Variants in PCDH15 observed in about 807,000 individuals in gnomAD.
PCDH15 encodes the protein protocadherin-15.
Under a neutral mutation model 178.5 loss-of-function variants are expected in PCDH15, and 129 were observed. The ratio of observed to expected loss-of-function variants is 0.72; its 90% CI spans 0.63 to 0.84. The LOEUF is 0.84. Ranked by LOEUF, PCDH15 falls within the 40% of genes least tolerant of loss-of-function variation. PCDH15 has a pLI of 0.00. For synonymous variants in PCDH15, 800 were observed against 732.0 expected (o/e 1.09, Z -1.50); for missense variants, 2,230 against 2,099.9 (o/e 1.06, Z -1.21).
intron 1 of PCDH15, among the ~76,000 whole-genome samples, chr10:54,724,221 A>G (rs745660849): frequency 1.3e-5 from 2 of 151,282 alleles, no homozygotes; most frequent in African/African-American, 2.4e-5. Context: ...AAAGAATAAA[A>G]TTATGTCCTT....
intron 1 of PCDH15, among the ~76,000 whole-genome samples, chr10:54,744,087 C>G (rs1945162505): frequency 6.6e-6 from 1 of 152,104 alleles, no homozygotes; most frequent in Non-Finnish European, 1.5e-5. Context: ...CCTGTCAAAG[C>G]TGCTTCTATG....
intron 1 of PCDH15, among the ~76,000 whole-genome samples, chr10:55,309,487 T>A (rs542605662): frequency 6.6e-6 from 1 of 151,066 alleles, no homozygotes; most frequent in South Asian, 2.1e-4. Context: ...ACTGCACTAC[T>A]CTCATTCTGG....
At chr10:55,240,558 T>C (rs1841514642) in intron 1 of PCDH15, among the ~76,000 whole-genome samples, 1 of 152,190 alleles carries the variant, frequency 6.6e-6, no homozygotes, top group African/African-American at 2.4e-5. Context: ...TTAGATGATT[T>C]CTAAAGACCT....
intron 2 of PCDH15, among the ~76,000 whole-genome samples, chr10:54,933,936 A>G (rs1837843184): frequency 6.6e-6 from 1 of 152,164 alleles, no homozygotes; most frequent in South Asian, 2.1e-4. Flanking sequence ...CTTACTGTGA[A>G]TATAAATTTA....
intron 2 of PCDH15, among the ~76,000 whole-genome samples, chr10:55,449,204 T>A (rs1839381371): frequency 6.6e-6 from 1 of 152,088 alleles, no homozygotes; most frequent in Non-Finnish European, 1.5e-5. Flanking sequence ...AACCTCATTT[T>A]ACATCCAAAG....
intron 2 of PCDH15, among the ~76,000 whole-genome samples, chr10:55,416,293 C>G (rs1397403516): frequency 6.6e-6 from 1 of 151,842 alleles, no homozygotes; most frequent in African/African-American, 2.4e-5. Flanking sequence ...GTTATCGGAA[C>G]TTAAGCTATT....
intron 15 of PCDH15, among the ~76,000 whole-genome samples, chr10:54,097,853 G>C (rs531159192): frequency 2.6e-5 from 4 of 152,190 alleles, no homozygotes; most frequent in Non-Finnish European, 5.9e-5. Context: ...GCACACCTCA[G>C]GAGGGGAGGG....
At chr10:55,578,794 A>G (rs1358564738) in intron 2 of PCDH15, among the ~76,000 whole-genome samples, 1 of 152,122 alleles carries the variant, frequency 6.6e-6, no homozygotes, top group Non-Finnish European at 1.5e-5. Flanking sequence ...GTGGCAGGCA[A>G]AAAAGATAGT....
rs201106387 is a variant in PCDH15, at chr10:53,857,199, T to C, written c.3782A>G (p.Glu1261Gly). 2.5e-6 allele frequency: 4 copies of C among 1,607,792 alleles called. No homozygotes were observed. The highest frequency in any genetic ancestry group is 3.4e-6 in the Non-Finnish European group (4 of 1,174,640). ...CTCTGTAAGATCTTCTATCTTTTTT[T>C]CCACTAGAGTAGGAGGCACATTGGA... ...IVSNVPPTLV[E>G]KKIEDLTEIL... is the part of the protein sequence containing the mutation. Residue 1261 changes from glutamate (E) to glycine (G), a missense_variant, in exon 28 of 38, where the codon GAA (glutamate) becomes GGA (glycine). Physicochemically the swap from Glu to Gly is moderately conservative, Grantham distance 98 (BLOSUM62 -2). Transcript: ENST00000644397.
chr10:53,976,809 A>G (rs913641870), intron 21 of PCDH15, among the ~76,000 whole-genome samples: 1 of 151,562 alleles, frequency 6.6e-6, no homozygotes, highest in African/African-American at 2.4e-5. Flanking sequence ...TTAAATAAAC[A>G]TAGAAATTAA....
chr10:54,846,410 A>T (rs1311955740), intron 3 of PCDH15, among the ~76,000 whole-genome samples: 1 of 152,036 alleles, frequency 6.6e-6, no homozygotes, highest in African/African-American at 2.4e-5. Context: ...GAATAAAATA[A>T]TTTTTCTGTC....
At chr10:53,816,356 G>C in intron 34 of PCDH15, 79 bp from the exon 35 acceptor site, 1 of 396,016 alleles carries the variant, frequency 2.5e-6, no homozygotes, top group Non-Finnish European at 4.5e-6. Context: ...GAGAAGAGAG[G>C]AAAAAAAGGC....
upstream of PCDH15, among the ~76,000 whole-genome samples, chr10:55,324,090 C>G (rs1843972092): frequency 1.3e-5 from 2 of 152,082 alleles, no homozygotes; most frequent in East Asian, 3.9e-4. Flanking sequence ...CATGCCTTTG[C>G]TTCTCCTTTC....
At chr10:54,915,865 G>C (rs977286853) in intron 2 of PCDH15, among the ~76,000 whole-genome samples, 2 of 152,100 alleles carry the variant, frequency 1.3e-5, no homozygotes, top group Non-Finnish European at 2.9e-5. Context: ...GTCTCACTCT[G>C]TTGTCCAGGC....
chr10:55,565,365 T>G (rs912792718), intron 2 of PCDH15, among the ~76,000 whole-genome samples: 1 of 151,372 alleles, frequency 6.6e-6, no homozygotes, highest in African/African-American at 2.4e-5. Flanking sequence ...AAGAGAGAAA[T>G]GTATAGCTAT....
intron 20 of PCDH15, among the ~76,000 whole-genome samples, chr10:53,999,160 C>T (rs767443538): frequency 4.6e-5 from 7 of 151,780 alleles, no homozygotes; most frequent in Non-Finnish European, 7.4e-5. Context: ...AGCCAATGGG[C>T]GGAATGACTT....
intron 15 of PCDH15, among the ~76,000 whole-genome samples, chr10:54,096,893 A>G (rs557692402): frequency 3.3e-5 from 5 of 152,356 alleles, no homozygotes; most frequent in East Asian, 1.9e-4. Flanking sequence ...TTTCTCTAAC[A>G]GTCTTTTAAT....
intron 2 of PCDH15, among the ~76,000 whole-genome samples, chr10:55,626,710 G>A (rs957404369): frequency 6.6e-6 from 1 of 152,166 alleles, no homozygotes; most frequent in African/African-American, 2.4e-5. Flanking sequence ...ATTAGCTAAT[G>A]TGTAAGAGTT....
intron 3 of PCDH15, among the ~76,000 whole-genome samples, chr10:54,490,814 T>C (rs1272743313): frequency 6.6e-6 from 1 of 152,308 alleles, no homozygotes; most frequent in African/African-American, 2.4e-5. Flanking sequence ...AAATAAATGA[T>C]TTTGTGAAGA....
Sources: allele counts gnomAD v4.1 joint callset (sites outside exome capture counted in the v4.1 genomes callset), GRCh38; gene constraint gnomAD v4.1.1; transcripts MANE v1.5; gene names NCBI Gene and HGNC (gene_info 2026-07-23, HGNC 2026-07-21).